AGFG1: variants seen among roughly 807,000 people sequenced by gnomAD.
The protein encoded by AGFG1 is ArfGAP with FG repeats 1, also known as arf-GAP domain and FG repeat-containing protein 1.
In AGFG1, 10 loss-of-function variants were observed where a neutral mutation model predicts 60.6. The observed-to-expected ratio is 0.16, with a 90% CI of 0.10 to 0.28. AGFG1 has a LOEUF of 0.28. Among genes scored for constraint, AGFG1 ranks in the 10% least tolerant of loss-of-function variants. The pLI is 1.00. For synonymous variants in AGFG1, 247 were observed against 242.9 expected (o/e 1.02, Z -0.16); for missense variants, 537 against 676.5 (o/e 0.79, Z 2.29).
chr2:227,523,662 A>G (rs1332200757), intron 3 of AGFG1, 101 bp from the exon 4 acceptor site: 3 of 1,174,842 alleles, frequency 2.6e-6, no homozygotes, highest in Admixed American at 4.8e-5. Flanking sequence ...GATAAGATTA[A>G]TGGTGAAACA....
intron 1 of AGFG1, among the ~76,000 whole-genome samples, chr2:227,477,985 C>A (rs1168647403): frequency 3.3e-5 from 5 of 151,924 alleles, no homozygotes; most frequent in Non-Finnish European, 7.4e-5. Context: ...TTTTAGGGAA[C>A]TTCTTAGCTC....
chr2:227,496,917 G>A (rs542720982), intron 2 of AGFG1, among the ~76,000 whole-genome samples: 47 of 152,204 alleles, frequency 3.1e-4, no homozygotes, highest in African/African-American at 9.4e-4. Context: ...AACTCTTGGA[G>A]CATTTTAACT....
rs1693046217 is a variant in AGFG1, at chr2:227,558,591, C to T, written c.*4096C>T. On this transcript the variant is annotated 3_prime_UTR_variant, in exon 13 of 13. Transcript: ENST00000310078. ...AAATTTGTATTTAACCTGTTGTATT[C>T]ATCCTCATTAGTTAAGTTTTTCTTT... 1 of 151,962 alleles carries T rather than the reference C, an allele frequency of 6.6e-6. No individual in the cohort carries two copies. The highest frequency in any genetic ancestry group is 2.4e-5 in the African/African-American group (1 of 41,366). The allele number at this position is 151,962 out of a possible 1,614,324, so 9.4% of individuals were successfully genotyped here.
At chr2:227,524,212 T>C (rs1422176171) in intron 4 of AGFG1, among the ~76,000 whole-genome samples, 1 of 152,158 alleles carries the variant, frequency 6.6e-6, no homozygotes, top group African/African-American at 2.4e-5. Flanking sequence ...TGTATACATG[T>C]ATATATCATG....
intron 2 of AGFG1, among the ~76,000 whole-genome samples, chr2:227,518,836 A>C (rs1158085957): frequency 6.6e-6 from 1 of 152,030 alleles, no homozygotes; most frequent in Non-Finnish European, 1.5e-5. Context: ...TGGGCTGCTG[A>C]TATCTTTGGT....
intron 2 of AGFG1, among the ~76,000 whole-genome samples, chr2:227,505,066 C>T (rs560590041): frequency 6.2e-4 from 95 of 152,186 alleles, no homozygotes; most frequent in African/African-American, 2.2e-3. Context: ...ATAAATACAT[C>T]ATTTTTTGCT....
chr2:227,482,100 C>T (rs1022188013), intron 1 of AGFG1, among the ~76,000 whole-genome samples: 2 of 152,038 alleles, frequency 1.3e-5, no homozygotes, highest in African/African-American at 2.4e-5. Flanking sequence ...CTCCTGACCT[C>T]GTGATCTGCC....
At position 227,474,119 on chromosome 2, in the gene AGFG1, G is replaced by C. The variant is rs139759836; in HGVS notation, c.167+1531G>C. Among the ~76,000 whole-genome samples the C allele has an allele frequency of 2.1e-3, 323 of 152,258 alleles. 2 individuals carry two copies. Among genetic ancestry groups the C allele is most frequent in the African/African-American group, 7.6e-3 (314 of 41,556 alleles). Reference sequence around the variant, plus strand: ...GAATTACTACAGAATCACAGAGCTAGGTGATATCAAGGAGGTAGCCTGGTT... The same window carrying C: ...GAATTACTACAGAATCACAGAGCTACGTGATATCAAGGAGGTAGCCTGGTT... On this transcript the variant is annotated intron_variant, in intron 1 of 12. Transcript: ENST00000310078.
intron 1 of AGFG1, among the ~76,000 whole-genome samples, chr2:227,485,763 A>G (rs932293956): frequency 6.6e-6 from 1 of 151,982 alleles, no homozygotes; most frequent in Non-Finnish European, 1.5e-5. Flanking sequence ...GAAAATTCTG[A>G]TTTTTAAATT....
At chr2:227,536,510 G>A in intron 8 of AGFG1, 115 bp from the exon 9 acceptor site, 1 of 738,836 alleles carries the variant, frequency 1.4e-6, no homozygotes, top group Admixed American at 2.3e-5. Context: ...TTTTCTTTGT[G>A]TTGATACTGA....
At chr2:227,546,738 T>C (rs560656453) in intron 10 of AGFG1, among the ~76,000 whole-genome samples, 18 of 152,204 alleles carry the variant, frequency 1.2e-4, no homozygotes, top group Non-Finnish European at 2.4e-4. Flanking sequence ...TTTTCCCCCC[T>C]CAGAGCCCTT....
At chr2:227,473,432 T>C (rs1265944300) in intron 1 of AGFG1, among the ~76,000 whole-genome samples, 1 of 152,196 alleles carries the variant, frequency 6.6e-6, no homozygotes, top group Admixed American at 6.5e-5. Context: ...TCGCTATCAA[T>C]ACCCGAGTGC....
chr2:227,524,901 T>C lies in AGFG1; in HGVS notation c.680T>C (p.Phe227Ser), dbSNP rs1691943178. 1 of 1,614,010 alleles carries C rather than the reference T, an allele frequency of 6.2e-7. No individual in the cohort carries two copies. Among genetic ancestry groups the C allele is most frequent in the Admixed American group, 1.7e-5 (1 of 60,006 alleles). Reference protein sequence around the residue: ...ATANFANFAHFNSHAAQNSAN... With the variant: ...ATANFANFAHSNSHAAQNSAN... ...GCCAATTTTGCTAACTTTGCACATTTCAACAGTCATGCAGGTAAGTGTTTT... is the reference window on the plus strand; with the variant it reads ...GCCAATTTTGCTAACTTTGCACATTCCAACAGTCATGCAGGTAAGTGTTTT... The change falls in exon 5 of 13, where the codon TTC becomes TCC. Residue 227 changes from phenylalanine (F) to serine (S), a missense_variant. By Grantham distance (155) the Phe-to-Ser change is radical. This residue lies in a region of AGFG1 where 102 missense variants were observed against 82.9 expected (regional missense o/e 1.23). Coordinates refer to ENST00000310078, the MANE Select transcript of AGFG1 (RefSeq NM_004504.5).
intron 1 of AGFG1, among the ~76,000 whole-genome samples, chr2:227,490,801 C>T (rs1178002778): frequency 8.5e-5 from 13 of 152,100 alleles, no homozygotes; most frequent in East Asian, 3.9e-4. Flanking sequence ...CATTTCCACT[C>T]GGTTTTTCAT....
chr2:227,483,144 C>T (rs1199066638), intron 1 of AGFG1, among the ~76,000 whole-genome samples: 1 of 152,006 alleles, frequency 6.6e-6, no homozygotes, highest in Non-Finnish European at 1.5e-5. Context: ...GTTTTATAAA[C>T]CCTGAATTCA....
intron 12 of AGFG1, 50 bp from the exon 13 acceptor site, chr2:227,554,386 A>C: frequency 7.1e-7 from 1 of 1,417,990 alleles, no homozygotes; most frequent in South Asian, 1.2e-5. Flanking sequence ...TATATTTTGT[A>C]CATGCACTAC....
At chr2:227,509,286 G>A (rs2106192455) in intron 2 of AGFG1, among the ~76,000 whole-genome samples, 1 of 152,142 alleles carries the variant, frequency 6.6e-6, no homozygotes, top group South Asian at 2.1e-4. Flanking sequence ...AAGCCCAGAG[G>A]AAGAGACATA....
At chr2:227,537,054 C>A in intron 10 of AGFG1, 61 bp downstream of exon 10, 2 of 1,424,448 alleles carry the variant, frequency 1.4e-6, no homozygotes, top group South Asian at 1.2e-5. Context: ...ACAAAGACAC[C>A]ATGTGAAGAA....
intron 1 of AGFG1, among the ~76,000 whole-genome samples, chr2:227,484,688 G>GTTTTTTTTTTTTTTTTTTTTTTTT (rs745570416): frequency 1.6e-4 from 4 of 25,092 alleles, no homozygotes; most frequent in Admixed American, 7.9e-4. Context: ...TTTTTTTTTT[G>GTTTTTTTTTTTTTTTTTTTTTTTT]TTTTTTTTTT....
Sources: allele counts gnomAD v4.1 joint callset (sites outside exome capture counted in the v4.1 genomes callset), GRCh38; gene constraint gnomAD v4.1.1; regional missense constraint gnomAD v4.1.1; transcripts MANE v1.5; gene names NCBI Gene and HGNC (gene_info 2026-07-23, HGNC 2026-07-21).